MAP4: variants seen among roughly 807,000 people sequenced by gnomAD.
MAP4 encodes the protein microtubule associated protein 4, also known as microtubule-associated protein 4.
MAP4 carries 76 observed loss-of-function variants against 170.2 expected under a neutral mutation model. That is an observed-to-expected ratio of 0.45 (90% CI 0.37 to 0.54). The LOEUF (loss-of-function observed/expected upper bound fraction) is 0.54, where lower values mean the gene tolerates loss of function less well. MAP4 is among the 20% of genes least tolerant of loss of function. MAP4 has a pLI of 0.00. For missense variants in MAP4, 2,506 were observed against 2,748.0 expected (o/e 0.91, Z 1.97); for synonymous variants, 909 against 994.5 (o/e 0.91, Z 1.62).
intron 17 of MAP4, among the ~76,000 whole-genome samples, chr3:47,863,937 T>TGTGTGTGTGTGGGGGGGG (rs374208589): frequency 7.2e-6 from 1 of 138,356 alleles, no homozygotes; most frequent in African/African-American, 2.7e-5. Context: ...TGTGTGTGTG[T>TGTGTGTGTGTGGGGGGGG]GGGGAGTGGT....
At chr3:47,875,052 C>T (rs1034880710) in intron 12 of MAP4, among the ~76,000 whole-genome samples, 5 of 152,160 alleles carry the variant, frequency 3.3e-5, no homozygotes, top group Non-Finnish European at 7.3e-5. Flanking sequence ...ATACAGAAAC[C>T]GTGGGTGACC....
chr3:47,888,288 T>G (rs1043974287), intron 10 of MAP4, among the ~76,000 whole-genome samples: 2 of 152,062 alleles, frequency 1.3e-5, no homozygotes, highest in African/African-American at 4.8e-5. Context: ...GGTAACCCGC[T>G]CGGGTCCCCT....
intron 1 of MAP4, among the ~76,000 whole-genome samples, chr3:48,045,295 A>AAATTATAATTT (rs1200637087): frequency 2.6e-5 from 4 of 152,026 alleles, no homozygotes; most frequent in Non-Finnish European, 5.9e-5. Flanking sequence ...TGAAACATTA[A>AAATTATAATTT]AAACTCTGTC....
intron 3 of MAP4, among the ~76,000 whole-genome samples, chr3:47,944,428 T>C (rs1038824419): frequency 6.6e-6 from 1 of 152,124 alleles, no homozygotes; most frequent in Non-Finnish European, 1.5e-5. Context: ...TTTTACTTTA[T>C]AGAAAATGAT....
At chr3:47,876,382 C>T (rs1219143479) in intron 11 of MAP4, among the ~76,000 whole-genome samples, 2 of 152,116 alleles carry the variant, frequency 1.3e-5, no homozygotes, top group South Asian at 2.1e-4. Context: ...CTGCCCGCCT[C>T]GGCCTCCCAA....
At chr3:48,084,623 G>C (rs975568560) in intron 1 of MAP4, among the ~76,000 whole-genome samples, 1 of 151,004 alleles carries the variant, frequency 6.6e-6, no homozygotes, top group Non-Finnish European at 1.5e-5. Flanking sequence ...TTTCAGCAAG[G>C]CTGAAGTGCA....
chr3:47,964,746 G>A (rs949890903), intron 3 of MAP4, among the ~76,000 whole-genome samples: 3 of 152,122 alleles, frequency 2.0e-5, no homozygotes, highest in Admixed American at 1.3e-4. Flanking sequence ...GGACAAACCA[G>A]AACAAACGTA....
rs185448515 is a variant in MAP4 at position 47,992,563 on chromosome 3, G to T, written c.223+6075C>A. Among the ~76,000 whole-genome samples the T allele has an allele frequency of 3.6e-4, 55 of 152,008 alleles. 2 individuals carry two copies. The highest frequency in any genetic ancestry group is 3.3e-3 in the Admixed American group (51 of 15,246). On this transcript the variant is annotated intron_variant, in intron 2 of 20. Transcript: ENST00000683076. ...CTACCTCAGCTTCCTGTGTAGCTCG[G>T]ACTACAGGCGCACACTACCACGCCC...
intron 10 of MAP4, among the ~76,000 whole-genome samples, chr3:47,888,724 T>A (rs2098085661): frequency 6.6e-6 from 1 of 152,234 alleles, no homozygotes; most frequent in Non-Finnish European, 1.5e-5. Flanking sequence ...CAGTGGGACA[T>A]TTGAAGCTTA....
chr3:48,062,494 T>TAAA lies in MAP4; in HGVS notation c.-20+26276_-20+26278dup, dbSNP rs1156947592. 8.9e-3 allele frequency among the ~76,000 whole-genome samples: 721 copies of TAAA among 81,442 alleles called. 8 individuals are homozygous for TAAA. Among genetic ancestry groups the TAAA allele is most frequent in the East Asian group, 0.026 (73 of 2,854 alleles). 53.4% of individuals were successfully genotyped at this position (81,442 alleles called of 152,430 possible). A position where few individuals can be genotyped will look rare whatever the true frequency, so the allele number is the denominator to read the frequency against. On this transcript the variant is annotated intron_variant, in intron 1 of 18. Coordinates refer to the MAP4 transcript ENST00000360240. ...GCGAGAAACACCCAAGAATGATCAA[T>TAAA]AAAAAAAAAAAAAAAAAAAAAAACA...
At chr3:48,000,366 T>C (rs2100098491) in intron 1 of MAP4, among the ~76,000 whole-genome samples, 1 of 151,720 alleles carries the variant, frequency 6.6e-6, no homozygotes, top group Admixed American at 6.6e-5. Flanking sequence ...AGAGACTCCA[T>C]AGGATAAGTT....
At chr3:47,887,291 G>A (rs533838928) in intron 10 of MAP4, among the ~76,000 whole-genome samples, 32 of 152,342 alleles carry the variant, frequency 2.1e-4, no homozygotes, top group Non-Finnish European at 2.1e-4. Context: ...GGTGGGCCCC[G>A]CACTTGGAGC....
At chr3:48,032,846 ACT>A (rs1221028463) in intron 1 of MAP4, among the ~76,000 whole-genome samples, 1 of 152,102 alleles carries the variant, frequency 6.6e-6, no homozygotes, top group Non-Finnish European at 1.5e-5. Context: ...AAACTAGCTG[ACT>A]CTCGTTAAAG....
At chr3:48,011,966 G>A (rs1430968207) in intron 1 of MAP4, among the ~76,000 whole-genome samples, 11 of 152,238 alleles carry the variant, frequency 7.2e-5, no homozygotes, top group South Asian at 4.2e-4. Context: ...AGTGAAACCC[G>A]AACTTTAATC....
At chr3:47,952,339 G>T (rs1394222794) in intron 3 of MAP4, among the ~76,000 whole-genome samples, 2 of 152,046 alleles carry the variant, frequency 1.3e-5, no homozygotes, top group Non-Finnish European at 2.9e-5. Flanking sequence ...CGCCCCTACT[G>T]GGAAGTGAGG....
At chr3:47,932,409 G>C (rs190090081) in intron 3 of MAP4, among the ~76,000 whole-genome samples, 2 of 152,218 alleles carry the variant, frequency 1.3e-5, no homozygotes, top group Admixed American at 1.3e-4. Context: ...GTTTTTGTGG[G>C]AACGTGTTTC....
chr3:48,059,707 G>C (rs1174623345), intron 1 of MAP4, among the ~76,000 whole-genome samples: 1 of 151,562 alleles, frequency 6.6e-6, no homozygotes, highest in South Asian at 2.1e-4. Context: ...GGCTGAAGCG[G>C]GTGGCTCACG....
upstream of MAP4, among the ~76,000 whole-genome samples, chr3:48,019,174 C>CA (rs1054395290): frequency 9.3e-5 from 14 of 150,874 alleles, no homozygotes; most frequent in South Asian, 2.1e-4. Flanking sequence ...ACCATCTCTA[C>CA]AAAAAAAAAT....
At position 47,877,483 on chromosome 3, in the gene MAP4, C is replaced by T. The variant is rs2095711093; in HGVS notation, c.5475G>A (p.Gly1825=). Residue 1825 remains glycine (G), a synonymous_variant, in exon 11 of 21, where the codon GGG becomes GGA. Transcript: ENST00000683076. The part of the protein sequence containing the change: ...RPEEGRPVVS[G]TGNDITTPPN... The stretch of plus-strand genomic sequence containing the variant: ...GTGGGGTGGTGATGTCATTTCCTGT[C>T]CCACTCACCACAGGCCTTCCTTCTT... The T allele has an allele frequency of 6.2e-7, 1 of 1,614,020 alleles. No individual in the cohort carries two copies. Among genetic ancestry groups the T allele is most frequent in the Non-Finnish European group, 8.5e-7 (1 of 1,179,970 alleles).
Sources: allele counts gnomAD v4.1 joint callset (sites outside exome capture counted in the v4.1 genomes callset), GRCh38; gene constraint gnomAD v4.1.1; transcripts MANE v1.5; gene names NCBI Gene and HGNC (gene_info 2026-07-23, HGNC 2026-07-21).